Variants in PSMG2 observed in about 807,000 individuals in gnomAD.
The protein encoded by PSMG2 is proteasome assembly chaperone 2.
In PSMG2, 21 loss-of-function variants were observed where a neutral mutation model predicts 31.5. The ratio of observed to expected loss-of-function variants is 0.67; its 90% CI spans 0.47 to 0.96. PSMG2 has a LOEUF of 0.96. Ranked by LOEUF, PSMG2 falls within the 40% of genes least tolerant of loss-of-function variation. PSMG2 has a pLI of 0.00. For missense variants in PSMG2, 318 were observed against 321.2 expected, an observed-to-expected ratio of 0.99 and a Z score of 0.08; for synonymous variants, 120 against 110.4, an observed-to-expected ratio of 1.09 and a Z score of -0.54.
chr18:12,700,078 A>C (rs910783998), upstream of PSMG2: 8 of 431,138 alleles, frequency 1.9e-5, 1 homozygote, highest in Middle Eastern at 6.0e-4. Flanking sequence ...CCTGCATAAA[A>C]GATGATGTAA....
At chr18:12,674,163 G>C (rs986342265) in intron 1 of PSMG2, among the ~76,000 whole-genome samples, 1 of 151,988 alleles carries the variant, frequency 6.6e-6, no homozygotes, top group African/African-American at 2.4e-5. Context: ...TAGGCTGGGT[G>C]CAACGGCTCA....
intron 1 of PSMG2, 116 bp from the exon 2 acceptor site, chr18:12,706,434 C>T (rs769040970): frequency 1.0e-5 from 11 of 1,087,038 alleles, no homozygotes; most frequent in Non-Finnish European, 1.5e-5. Context: ...CTGCAGTGAG[C>T]CAAGATCACG....
At chr18:12,693,966 G>T (rs1013582437) in intron 1 of PSMG2, among the ~76,000 whole-genome samples, 1 of 151,940 alleles carries the variant, frequency 6.6e-6, no homozygotes, top group African/African-American at 2.4e-5. Flanking sequence ...CAAGCAGCTG[G>T]GACTACAAGT....
At chr18:12,697,361 C>G (rs1453403298) in intron 1 of PSMG2, 1 of 1,613,280 alleles carries the variant, frequency 6.2e-7, no homozygotes, top group Non-Finnish European at 8.5e-7. Context: ...TGAATTGGAT[C>G]ACTTATTGAT....
intron 1 of PSMG2, among the ~76,000 whole-genome samples, chr18:12,688,737 CATA>C (rs1370980475): frequency 6.6e-6 from 1 of 152,118 alleles, no homozygotes; most frequent in African/African-American, 2.4e-5. Flanking sequence ...TATTTTTAGT[CATA>C]ATAGCCACAT....
At chr18:12,695,840 C>A (rs1234583035) in intron 1 of PSMG2, among the ~76,000 whole-genome samples, 6 of 143,226 alleles carry the variant, frequency 4.2e-5, no homozygotes, top group Non-Finnish European at 9.0e-5. Context: ...CTGTTAACAC[C>A]TCATTCCTTC....
intron 1 of PSMG2, among the ~76,000 whole-genome samples, chr18:12,690,734 C>CTGGGATTACAGGCCTCCCCAA (rs1568025327): frequency 1.3e-5 from 2 of 152,124 alleles, no homozygotes; most frequent in African/African-American, 4.8e-5. Context: ...GGATTACAGG[C>CTGGGATTACAGGCCTCCCCAA]GTGAGCCACC....
chr18:12,701,197 C>A (rs890206269), upstream of PSMG2: 1 of 937,838 alleles, frequency 1.1e-6, no homozygotes. Context: ...CTCCAGCTAA[C>A]AGTAAATGCA....
At chr18:12,723,516 G>A (rs1197469524) in intron 5 of PSMG2, among the ~76,000 whole-genome samples, 3 of 151,956 alleles carry the variant, frequency 2.0e-5, no homozygotes, top group African/African-American at 7.3e-5. Flanking sequence ...TCCTGCCTCA[G>A]CCTCCTGAGT....
chr18:12,708,075 A>C (rs138996192), intron 2 of PSMG2, among the ~76,000 whole-genome samples: 1 of 152,082 alleles, frequency 6.6e-6, no homozygotes, highest in Non-Finnish European at 1.5e-5. Flanking sequence ...TGAGCTCAGG[A>C]GTTTGAGACC....
chr18:12,707,369 T>C (rs899665816), intron 2 of PSMG2, among the ~76,000 whole-genome samples: 1 of 152,202 alleles, frequency 6.6e-6, no homozygotes, highest in Non-Finnish European at 1.5e-5. Context: ...TAACCATCAC[T>C]AATAATATGG....
At chr18:12,717,645 C>T (rs886538816) in intron 3 of PSMG2, among the ~76,000 whole-genome samples, 13 of 152,162 alleles carry the variant, frequency 8.5e-5, no homozygotes, top group African/African-American at 2.7e-4. Flanking sequence ...ACAGCTGTTC[C>T]GAAAGTATCC....
intron 3 of PSMG2, among the ~76,000 whole-genome samples, chr18:12,716,349 A>G: frequency 6.6e-6 from 1 of 151,214 alleles, no homozygotes; most frequent in Non-Finnish European, 1.5e-5. Context: ...AAATTATTTA[A>G]CGTATAATAT....
upstream of PSMG2, chr18:12,700,945 A>C: frequency 6.2e-7 from 1 of 1,605,392 alleles, no homozygotes; most frequent in Non-Finnish European, 8.5e-7. Flanking sequence ...TATTTCCCTA[A>C]AAGATTACTC....
At chr18:12,687,832 T>C (rs749607617) in intron 1 of PSMG2, among the ~76,000 whole-genome samples, 1 of 152,118 alleles carries the variant, frequency 6.6e-6, no homozygotes, top group Admixed American at 6.6e-5. Context: ...TTCTTTTACA[T>C]GAACTTAGCA....
At chr18:12,708,415 A>C (rs1401758658) in intron 2 of PSMG2, among the ~76,000 whole-genome samples, 1 of 151,406 alleles carries the variant, frequency 6.6e-6, no homozygotes, top group East Asian at 1.9e-4. Flanking sequence ...CCCGGGCTGG[A>C]GTGCAGTGGC....
At chr18:12,703,431 C>T (rs571461319) in intron 1 of PSMG2, among the ~76,000 whole-genome samples, 2 of 152,220 alleles carry the variant, frequency 1.3e-5, no homozygotes, top group Non-Finnish European at 2.9e-5. Flanking sequence ...TCTAGATACA[C>T]TGTACTTATG....
At chr18:12,681,198 CAAA>C (rs35644207) in intron 1 of PSMG2, among the ~76,000 whole-genome samples, 1 of 82,902 alleles carries the variant, frequency 1.2e-5, no homozygotes. Flanking sequence ...ACTCTGTTTC[CAAA>C]AAAAAAAAAA....
At chr18:12,711,472 TA>T in intron 2 of PSMG2, among the ~76,000 whole-genome samples, 1 of 152,296 alleles carries the variant, frequency 6.6e-6, no homozygotes, top group East Asian at 1.9e-4. Context: ...CTCTTTTCCC[TA>T]AATTTATACC....
Sources: allele counts gnomAD v4.1 joint callset (sites outside exome capture counted in the v4.1 genomes callset), GRCh38; gene constraint gnomAD v4.1.1; transcripts MANE v1.5; gene names NCBI Gene and HGNC (gene_info 2026-07-23, HGNC 2026-07-21).